Variants in ST6GALNAC3 observed in about 807,000 individuals in gnomAD.
The protein encoded by ST6GALNAC3 is ST6 N-acetylgalactosaminide alpha-2,6-sialyltransferase 3.
In ST6GALNAC3, 25 loss-of-function variants were observed where a neutral mutation model predicts 32.7. The observed-to-expected ratio is 0.76, with a 90% CI of 0.56 to 1.07. ST6GALNAC3 has a LOEUF of 1.07. ST6GALNAC3 is among the 50% of genes least tolerant of loss of function. The probability of loss-of-function intolerance (pLI) is 0.00; values close to 1 mark genes in which losing one functional copy is unlikely to be tolerated. For synonymous variants in ST6GALNAC3, 129 were observed against 133.1 expected (o/e 0.97, Z 0.21); for missense variants, 355 against 382.4 (o/e 0.93, Z 0.60).
chr1:76,546,261 G>C (rs2100327725), intron 3 of ST6GALNAC3, among the ~76,000 whole-genome samples: 1 of 152,306 alleles, frequency 6.6e-6, no homozygotes, highest in South Asian at 2.1e-4. Context: ...TAAGTATTTG[G>C]AAGGTTGAGT....
chr1:76,335,657 A>G (rs73004208), intron 2 of ST6GALNAC3, among the ~76,000 whole-genome samples: 5,796 of 152,312 alleles, frequency 0.038, 121 homozygotes, highest in African/African-American at 0.061. Flanking sequence ...GTTAAATAAA[A>G]TGATGTCGTT....
intron 3 of ST6GALNAC3, among the ~76,000 whole-genome samples, chr1:76,578,564 T>TC (rs1166156548): frequency 6.6e-6 from 1 of 152,040 alleles, no homozygotes; most frequent in Non-Finnish European, 1.5e-5. Context: ...TATTAAAGAT[T>TC]AGCCCTAGGA....
chr1:76,442,507 T>C (rs1464344451), intron 3 of ST6GALNAC3, among the ~76,000 whole-genome samples: 3 of 152,238 alleles, frequency 2.0e-5, no homozygotes, highest in Non-Finnish European at 4.4e-5. Context: ...CACATCCTAG[T>C]GGCAATGTAT....
intron 1 of ST6GALNAC3, among the ~76,000 whole-genome samples, chr1:76,151,207 G>A (rs1478102690): frequency 6.6e-6 from 1 of 152,084 alleles, no homozygotes; most frequent in Non-Finnish European, 1.5e-5. Context: ...AGAATCACTG[G>A]GAATCAGGAG....
At chr1:76,581,142 GT>G in intron 3 of ST6GALNAC3, among the ~76,000 whole-genome samples, 1 of 151,998 alleles carries the variant, frequency 6.6e-6, no homozygotes, top group East Asian at 1.9e-4. Context: ...ACTAAATATT[GT>G]TTTTTAATTA....
intron 3 of ST6GALNAC3, among the ~76,000 whole-genome samples, chr1:76,478,761 T>C (rs1279168477): frequency 1.1e-5 from 1 of 90,028 alleles, no homozygotes; most frequent in Non-Finnish European, 2.1e-5. Context: ...TTATTAATTC[T>C]TTTTTTTTTT....
At chr1:76,590,006 T>G (rs189100307) in intron 3 of ST6GALNAC3, among the ~76,000 whole-genome samples, 14 of 152,214 alleles carry the variant, frequency 9.2e-5, no homozygotes, top group African/African-American at 3.1e-4. Context: ...TCCTACAAAC[T>G]GGGGATGCAT....
chr1:76,147,477 C>T lies in ST6GALNAC3; in HGVS notation c.18+72593C>T, dbSNP rs550837533. ...TGCAAGACCATGTGTGTTCTTGGAC[C>T]AACCAACTTGCAATCAATCTTCCCC... On this transcript the variant is annotated intron_variant, in intron 1 of 4. Coordinates refer to ENST00000328299, the MANE Select transcript of ST6GALNAC3 (RefSeq NM_152996.4). Among the ~76,000 whole-genome samples, 8 of 152,252 alleles carry T rather than the reference C, an allele frequency of 5.3e-5. No homozygotes were observed. In the South Asian group the frequency reaches 1.7e-3, roughly 32 times the overall value.
intron 1 of ST6GALNAC3, among the ~76,000 whole-genome samples, chr1:76,242,416 G>T (rs915013684): frequency 2.0e-5 from 3 of 151,902 alleles, no homozygotes; most frequent in Non-Finnish European, 2.9e-5. Flanking sequence ...TTAGGGTGAT[G>T]TTGCCAGATA....
chr1:76,466,146 A>G (rs559720560), intron 3 of ST6GALNAC3, among the ~76,000 whole-genome samples: 106 of 152,166 alleles, frequency 7.0e-4, no homozygotes, highest in African/African-American at 2.5e-3. Context: ...TAGGTTGAAC[A>G]TTGTAGTCTC....
intron 3 of ST6GALNAC3, among the ~76,000 whole-genome samples, chr1:76,599,717 C>CGTGTGTGTGT (rs5775354): frequency 7.0e-6 from 1 of 142,028 alleles, no homozygotes; most frequent in African/African-American, 2.6e-5. Context: ...ACTACCGTAT[C>CGTGTGTGTGT]GTGTGTGTGT....
intron 2 of ST6GALNAC3, among the ~76,000 whole-genome samples, chr1:76,352,907 C>CT (rs1487337545): frequency 2.0e-5 from 3 of 152,266 alleles, no homozygotes; most frequent in East Asian, 3.9e-4. Flanking sequence ...ATCATGCCAG[C>CT]TGGTTATATC....
At chr1:76,139,396 A>AC (rs1491466981) in intron 1 of ST6GALNAC3, among the ~76,000 whole-genome samples, 3 of 150,586 alleles carry the variant, frequency 2.0e-5, no homozygotes, top group Non-Finnish European at 3.0e-5. Context: ...ACACATAGAA[A>AC]CACACACACA....
chr1:76,220,640 T>C (rs1655712623), intron 1 of ST6GALNAC3, among the ~76,000 whole-genome samples: 1 of 152,166 alleles, frequency 6.6e-6, no homozygotes, highest in African/African-American at 2.4e-5. Flanking sequence ...GAGGACGCAA[T>C]GACTTCCTCC....
chr1:76,281,652 T>C (rs1659503133), intron 1 of ST6GALNAC3, among the ~76,000 whole-genome samples: 1 of 152,220 alleles, frequency 6.6e-6, no homozygotes, highest in Admixed American at 6.5e-5. Context: ...GTCCAGAGAA[T>C]AATGACTACA....
intron 3 of ST6GALNAC3, among the ~76,000 whole-genome samples, chr1:76,547,848 C>T (rs528146214): frequency 1.5e-4 from 19 of 126,786 alleles, no homozygotes; most frequent in Non-Finnish European, 1.3e-4. Context: ...AGCGACAATG[C>T]GAGATTCTGT....
chr1:76,365,115 C>T (rs4949709), intron 2 of ST6GALNAC3, among the ~76,000 whole-genome samples: 10,510 of 152,214 alleles, frequency 0.069, 562 homozygotes, highest in African/African-American at 0.15. Flanking sequence ...AAATGTGGTA[C>T]ATATATACCA....
At chr1:76,612,328 C>T (rs912502158) in intron 3 of ST6GALNAC3, among the ~76,000 whole-genome samples, 1 of 152,172 alleles carries the variant, frequency 6.6e-6, no homozygotes, top group Admixed American at 6.5e-5. Context: ...CCCAAGCCAC[C>T]TTGTGGCCCA....
At chr1:76,299,438 A>G (rs1263181081) in intron 1 of ST6GALNAC3, among the ~76,000 whole-genome samples, 1 of 152,098 alleles carries the variant, frequency 6.6e-6, no homozygotes, top group African/African-American at 2.4e-5. Flanking sequence ...CAGTCTAGCA[A>G]GTCACTGCAA....
Sources: gnomAD v4.1 joint callset for allele counts (sites outside exome capture counted in the v4.1 genomes callset) on GRCh38, gnomAD v4.1.1 for gene constraint, MANE v1.5 for transcripts, NCBI Gene and HGNC (gene_info 2026-07-23, HGNC 2026-07-21) for gene names.